SCN10A: variants seen among roughly 807,000 people sequenced by gnomAD.
The protein encoded by SCN10A is sodium voltage-gated channel alpha subunit 10.
SCN10A carries 162 observed loss-of-function variants against 170.7 expected under a neutral mutation model. That is an observed-to-expected ratio of 0.95 (90% CI 0.84 to 1.08). The LOEUF is 1.08. Ranked by LOEUF, SCN10A falls within the 50% of genes least tolerant of loss-of-function variation. The pLI, the probability that SCN10A is intolerant of heterozygous loss-of-function variation, is 0.00. For synonymous variants in SCN10A, 985 were observed against 904.6 expected (o/e 1.09, Z -1.59); for missense variants, 2,527 against 2,436.9 (o/e 1.04, Z -0.78).
At chr3:38,730,949 C>T (rs1464340795) in intron 15 of SCN10A, among the ~76,000 whole-genome samples, 1 of 152,150 alleles carries the variant, frequency 6.6e-6, no homozygotes, top group Non-Finnish European at 1.5e-5. Flanking sequence ...GAGGCTATGA[C>T]TGCCCACATC....
At chr3:38,765,042 T>C (rs2126035589) in intron 5 of SCN10A, among the ~76,000 whole-genome samples, 1 of 152,326 alleles carries the variant, frequency 6.6e-6, no homozygotes, top group African/African-American at 2.4e-5. Context: ...CTTTGCCCAC[T>C]TTTGGATGGG....
chr3:38,715,046 G>A (rs970849293), intron 21 of SCN10A, among the ~76,000 whole-genome samples: 15 of 152,282 alleles, frequency 9.9e-5, no homozygotes, highest in African/African-American at 3.1e-4. Context: ...TTCTTTGGAT[G>A]AGTGGCTTAT....
chr3:38,722,664 C>T (rs1305514543), intron 19 of SCN10A, among the ~76,000 whole-genome samples: 2 of 152,144 alleles, frequency 1.3e-5, no homozygotes, highest in African/African-American at 4.8e-5. Context: ...TTACAGATGA[C>T]ACCAGTGGTC....
intron 1 of SCN10A, among the ~76,000 whole-genome samples, chr3:38,811,685 G>A (rs1290844508): frequency 6.6e-6 from 1 of 152,150 alleles, no homozygotes; most frequent in Admixed American, 6.6e-5. Flanking sequence ...ACCAACAGTT[G>A]CAGAATTTGA....
At position 38,728,825 on chromosome 3, in the gene SCN10A, GC is replaced by G; in HGVS notation, c.2356del (p.Ala786HisfsTer24). 6.2e-7 allele frequency: 1 copy of G among 1,614,182 alleles called. No individual in the cohort carries two copies. Among genetic ancestry groups the G allele is most frequent in the Non-Finnish European group, 8.5e-7 (1 of 1,180,024 alleles). On this transcript the variant is annotated frameshift_variant, in exon 16 of 28. Coordinates refer to ENST00000449082, the MANE Select transcript of SCN10A (RefSeq NM_006514.4). LOFTEE classifies it high-confidence loss of function. ...LIKIIGNSVG[A>X]LGNLTIILAI... ...CAGGATGATGGTGAGGTTCCCCAGT[GC>G]CCCCACTGAGTTTCCGATGATCTTG... is the stretch of plus-strand genomic sequence containing the variant.
In SCN10A at chr3:38,752,474, A is replaced by T; in HGVS notation, c.1500T>A (p.Ser500Arg). 6.2e-7 allele frequency: 1 copy of T among 1,607,890 alleles called. No homozygotes were observed. Among genetic ancestry groups the T allele is most frequent in the Non-Finnish European group, 8.5e-7 (1 of 1,176,692 alleles). Residue 500 changes from serine to arginine, a missense_variant, in exon 12 of 28, where the codon AGT becomes AGA. Physicochemically the swap from Ser to Arg is moderately radical, Grantham distance 110. Transcript: ENST00000449082. ...LGLASGKRRA[S>R]HGSVFHFRSP... is the part of the protein sequence containing the mutation. ...ACCGGAAATGGAACACACTGCCATG[A>T]CTAGCCCGGCGTTTTCCAGAGGCGA... is the stretch of plus-strand genomic sequence containing the variant.
rs779471280 is a variant in SCN10A, at chr3:38,763,561, G to A, written c.635C>T (p.Ser212Leu). ...VGTAIDLRGISGLRTFRVLRA... is the reference protein window; with the variant it reads ...VGTAIDLRGILGLRTFRVLRA... ...AAGAACTCTGAATGTCCGCAGGCCTGAGATCCCACGGAGATCTATTGCTGT... is the reference window on the plus strand; with the variant it reads ...AAGAACTCTGAATGTCCGCAGGCCTAAGATCCCACGGAGATCTATTGCTGT... Residue 212 changes from serine to leucine, a missense_variant, in exon 6 of 28, where the codon TCA becomes TTA. Transcript: ENST00000449082. 5 of 1,614,062 alleles carry A rather than the reference G, an allele frequency of 3.1e-6. No individual in the cohort carries two copies. Among genetic ancestry groups the A allele is most frequent in the Middle Eastern group, 1.7e-4 (1 of 6,060 alleles).
chr3:38,764,319 C>T (rs748724583), intron 5 of SCN10A, among the ~76,000 whole-genome samples: 6 of 152,068 alleles, frequency 3.9e-5, no homozygotes, highest in East Asian at 1.9e-4. Context: ...CACCATCACC[C>T]GAGCAGTGTA....
intron 15 of SCN10A, among the ~76,000 whole-genome samples, chr3:38,739,052 G>A (rs2063600641): frequency 6.6e-6 from 1 of 152,112 alleles, no homozygotes; most frequent in Admixed American, 6.5e-5. Flanking sequence ...TTGCTTGGCA[G>A]ATGGGAGACT....
At chr3:38,736,357 A>AAC (rs1444510745) in intron 15 of SCN10A, among the ~76,000 whole-genome samples, 2,047 of 89,262 alleles carry the variant, frequency 0.023, 17 homozygotes, top group Non-Finnish European at 0.028. Context: ...GTAATAGGGA[A>AAC]ACTCTGTGTG....
At chr3:38,774,165 T>C (rs2064043034) in intron 4 of SCN10A, among the ~76,000 whole-genome samples, 1 of 152,218 alleles carries the variant, frequency 6.6e-6, no homozygotes, top group African/African-American at 2.4e-5. Flanking sequence ...AATCTATATC[T>C]GGTTGCATAG....
At chr3:38,723,941 T>G (rs534925255) in intron 18 of SCN10A, among the ~76,000 whole-genome samples, 29 of 152,358 alleles carry the variant, frequency 1.9e-4, no homozygotes, top group African/African-American at 7.0e-4. Flanking sequence ...GCTTTGCTAA[T>G]GGACCCAAAT....
chr3:38,740,917 G>T (rs1443598998), intron 14 of SCN10A, among the ~76,000 whole-genome samples: 1 of 152,092 alleles, frequency 6.6e-6, no homozygotes, highest in African/African-American at 2.4e-5. Context: ...GTGGTCTTAG[G>T]CTGACTTCTT....
At position 38,714,085 on chromosome 3, in the gene SCN10A, G is replaced by A; in HGVS notation, c.3682-5C>T. On this transcript the variant is annotated splice_region_variant and splice_polypyrimidine_tract_variant and intron_variant, in intron 21 of 27. Coordinates refer to ENST00000449082, the MANE Select transcript of SCN10A (RefSeq NM_006514.4). Reference sequence around the variant, plus strand: ...TGTGAGACTTATCAGTGAGATCTGAGTGCAGGAGAGGGCAGAAACATCACT... The same window carrying A: ...TGTGAGACTTATCAGTGAGATCTGAATGCAGGAGAGGGCAGAAACATCACT... 6.2e-7 allele frequency: 1 copy of A among 1,614,140 alleles called. No individual in the cohort carries two copies. The highest frequency in any genetic ancestry group is 8.5e-7 in the Non-Finnish European group (1 of 1,179,982).
At chr3:38,707,947 C>T (rs757803577) in intron 25 of SCN10A, among the ~76,000 whole-genome samples, 26 of 152,112 alleles carry the variant, frequency 1.7e-4, no homozygotes, top group Non-Finnish European at 2.2e-4. Flanking sequence ...TGTTACAGTG[C>T]CAGAAACTGC....
At chr3:38,772,167 C>T (rs2064008393) in intron 4 of SCN10A, among the ~76,000 whole-genome samples, 2 of 152,162 alleles carry the variant, frequency 1.3e-5, no homozygotes, top group African/African-American at 2.4e-5. Context: ...AACAACTCCC[C>T]TCCCTATTCA....
At chr3:38,699,944 A>C (rs527975518) in intron 27 of SCN10A, among the ~76,000 whole-genome samples, 28 of 152,278 alleles carry the variant, frequency 1.8e-4, no homozygotes, top group African/African-American at 6.7e-4. Context: ...GCCCCAGCGG[A>C]TGGTGCTACC....
chr3:38,723,119 T>A (rs1296110521), intron 19 of SCN10A, among the ~76,000 whole-genome samples: 2 of 152,194 alleles, frequency 1.3e-5, no homozygotes, highest in African/African-American at 4.8e-5. Context: ...CAGTGGTGTT[T>A]ATGGTGGTGA....
At chr3:38,705,215 C>T (rs915622361) in intron 26 of SCN10A, among the ~76,000 whole-genome samples, 9 of 152,184 alleles carry the variant, frequency 5.9e-5, no homozygotes, top group Admixed American at 1.3e-4. Flanking sequence ...CTCAGCTATG[C>T]GAAATTAGGG....
Sources: gnomAD v4.1 joint callset for allele counts (sites outside exome capture counted in the v4.1 genomes callset) on GRCh38, gnomAD v4.1.1 for gene constraint, MANE v1.5 for transcripts, NCBI Gene and HGNC (gene_info 2026-07-23, HGNC 2026-07-21) for gene names.